RAP1A: variants seen among roughly 807,000 people sequenced by gnomAD.
RAP1A encodes RAP1A, member of RAS oncogene family, also known as ras-related protein Rap-1A.
A neutral mutation model predicts 26.4 loss-of-function variants in RAP1A; 6 were observed. That is an observed-to-expected ratio of 0.23 (90% CI 0.12 to 0.45). The LOEUF (loss-of-function observed/expected upper bound fraction) is 0.45, where lower values mean the gene tolerates loss of function less well. Among genes scored for constraint, RAP1A ranks in the 20% least tolerant of loss-of-function variants. The probability of loss-of-function intolerance (pLI) is 0.99; values close to 1 mark genes in which losing one functional copy is unlikely to be tolerated. For missense variants in RAP1A, 121 were observed against 217.2 expected (o/e 0.56, Z 2.78); for synonymous variants, 73 against 79.4 (o/e 0.92, Z 0.43).
intron 1 of RAP1A, among the ~76,000 whole-genome samples, chr1:111,547,423 G>A (rs1657073898): frequency 6.6e-6 from 1 of 151,624 alleles, no homozygotes; most frequent in African/African-American, 2.4e-5. Flanking sequence ...TTCATTTCTG[G>A]AATAAACTCC....
intron 1 of RAP1A, among the ~76,000 whole-genome samples, chr1:111,638,889 A>G (rs1382517343): frequency 6.6e-6 from 1 of 151,344 alleles, no homozygotes; most frequent in Admixed American, 6.6e-5. Flanking sequence ...TAAGACAAGT[A>G]TATGTATTTT....
intron 1 of RAP1A, among the ~76,000 whole-genome samples, chr1:111,578,224 A>T (rs1289548544): frequency 6.6e-6 from 1 of 152,104 alleles, no homozygotes; most frequent in Non-Finnish European, 1.5e-5. Flanking sequence ...ATTGGTGGGC[A>T]TGGGTCACCA....
chr1:111,547,195 C>A (rs2800895), intron 1 of RAP1A, among the ~76,000 whole-genome samples: 50,406 of 151,760 alleles, frequency 0.33, 9,100 homozygotes, highest in Admixed American at 0.46. Flanking sequence ...AAATTTTCAA[C>A]CTTTCACCAT....
intron 1 of RAP1A, among the ~76,000 whole-genome samples, chr1:111,667,809 G>A (rs1185375959): frequency 6.6e-6 from 1 of 152,108 alleles, no homozygotes; most frequent in East Asian, 1.9e-4. Flanking sequence ...TCAAGGAACT[G>A]ACATAAGATA....
intron 1 of RAP1A, among the ~76,000 whole-genome samples, chr1:111,571,879 A>G (rs1036796863): frequency 1.3e-5 from 2 of 152,240 alleles, no homozygotes; most frequent in African/African-American, 2.4e-5. Flanking sequence ...TAAAAAGGCT[A>G]AATTTCTGAT....
intron 1 of RAP1A, among the ~76,000 whole-genome samples, chr1:111,610,577 CACA>C (rs1658910446): frequency 3.5e-5 from 5 of 142,228 alleles, no homozygotes; most frequent in Non-Finnish European, 7.8e-5. Context: ...CACACACACA[CACA>C]CCCAACACCA....
chr1:111,572,557 G>C (rs905661731), intron 1 of RAP1A, among the ~76,000 whole-genome samples: 1 of 152,196 alleles, frequency 6.6e-6, no homozygotes. Flanking sequence ...GTAGAGACAG[G>C]CCTGGGTGAA....
chr1:111,646,583 T>C (rs1041944444), intron 1 of RAP1A, among the ~76,000 whole-genome samples: 1 of 152,058 alleles, frequency 6.6e-6, no homozygotes, highest in African/African-American at 2.4e-5. Context: ...CTCTGTCCCC[T>C]AGGCTGGAGT....
At chr1:111,566,445 C>T (rs905262124) in intron 1 of RAP1A, among the ~76,000 whole-genome samples, 4 of 152,104 alleles carry the variant, frequency 2.6e-5, no homozygotes, top group Admixed American at 2.0e-4. Flanking sequence ...TGACTACTGC[C>T]CTCCAAAGCT....
rs1662121809 is a variant in RAP1A, at chr1:111,704,389, G to A, written c.371G>A (p.Arg124Gln). Residue 124 changes from arginine (R) to glutamine (Q), a missense_variant, in exon 6 of 8, where the codon CGA (arginine) becomes CAA (glutamine). By Grantham distance (43) the Arg-to-Gln change is conservative. Coordinates refer to ENST00000369709, the MANE Select transcript of RAP1A (RefSeq NM_002884.4). Reference sequence around the variant, plus strand: ...AATAAATGTGACCTGGAAGATGAGCGAGTAGTTGGCAAAGAGCAGGGCCAG... The same window carrying A: ...AATAAATGTGACCTGGAAGATGAGCAAGTAGTTGGCAAAGAGCAGGGCCAG... Reference protein sequence around the residue: ...VGNKCDLEDERVVGKEQGQNL... With the variant: ...VGNKCDLEDEQVVGKEQGQNL... 1.2e-6 allele frequency: 2 copies of A among 1,613,774 alleles called. No homozygotes were observed. The highest frequency in any genetic ancestry group is 8.5e-7 in the Non-Finnish European group (1 of 1,179,902).
chr1:111,609,100 A>C (rs1232578682), intron 1 of RAP1A, among the ~76,000 whole-genome samples: 1 of 152,202 alleles, frequency 6.6e-6, no homozygotes, highest in Non-Finnish European at 1.5e-5. Context: ...CTATTTAGGC[A>C]ATTACAGCTC....
chr1:111,553,698 G>A (rs1390361283), intron 1 of RAP1A, among the ~76,000 whole-genome samples: 3 of 152,030 alleles, frequency 2.0e-5, no homozygotes, highest in South Asian at 4.1e-4. Flanking sequence ...ATTTTCACAC[G>A]TATACTGTGA....
At chr1:111,601,903 G>T (rs1023043895) in intron 1 of RAP1A, among the ~76,000 whole-genome samples, 1 of 152,162 alleles carries the variant, frequency 6.6e-6, no homozygotes, top group Non-Finnish European at 1.5e-5. Context: ...AGGGTAAGAG[G>T]AATATGATTT....
Position 111,641,173 on chromosome 1 carries a change from T to C in RAP1A, c.-28+21239T>C, listed in dbSNP as rs374273861. Among the ~76,000 whole-genome samples the C allele has an allele frequency of 7.2e-5, 11 of 152,310 alleles. No individual in the cohort carries two copies. In the South Asian group the frequency reaches 1.0e-3, roughly 14 times the overall value. ...GAAATAATTAGTTTTCTTTTTACAA[T>C]TCCTTTTGTTTTTAAGTCTTCAGGT... On this transcript the variant is annotated intron_variant, in intron 1 of 7. Transcript: ENST00000369709.
At chr1:111,669,435 C>A (rs1660908403) in intron 1 of RAP1A, among the ~76,000 whole-genome samples, 3 of 152,258 alleles carry the variant, frequency 2.0e-5, no homozygotes, top group Admixed American at 1.3e-4. Context: ...TTTTCTTTAT[C>A]TTTCTTCCTG....
At chr1:111,648,789 T>C in intron 1 of RAP1A, 1 of 645,976 alleles carries the variant, frequency 1.5e-6, no homozygotes, top group Non-Finnish European at 2.9e-6. Flanking sequence ...GTCTAGCTCC[T>C]GTCGATTCTT....
At chr1:111,607,869 A>AC (rs549767191) in intron 1 of RAP1A, among the ~76,000 whole-genome samples, 12,234 of 50,784 alleles carry the variant, frequency 0.24, 1,989 homozygotes, top group Admixed American at 0.28. Flanking sequence ...GCGGGGCCTG[A>AC]CCCCCCCCAC....
intron 1 of RAP1A, among the ~76,000 whole-genome samples, chr1:111,623,440 T>C (rs756430810): frequency 3.3e-5 from 5 of 152,088 alleles, no homozygotes; most frequent in Non-Finnish European, 7.4e-5. Flanking sequence ...AGAGTCTTGC[T>C]CTGTCACCCA....
upstream of RAP1A, chr1:111,542,170 G>C (rs1300387852): frequency 3.9e-5 from 18 of 465,996 alleles, no homozygotes; most frequent in Non-Finnish European, 7.4e-5. Flanking sequence ...AGATGCCTTG[G>C]ATAATCCTTT....
Sources: gnomAD v4.1 joint callset for allele counts (sites outside exome capture counted in the v4.1 genomes callset) on GRCh38, gnomAD v4.1.1 for gene constraint, MANE v1.5 for transcripts, NCBI Gene and HGNC (gene_info 2026-07-23, HGNC 2026-07-21) for gene names.